CDH13: variants seen among roughly 807,000 people sequenced by gnomAD.
The protein encoded by CDH13 is cadherin 13.
CDH13 carries 24 observed loss-of-function variants against 63.8 expected under a neutral mutation model. The observed-to-expected ratio is 0.38, with a 90% CI of 0.27 to 0.53. The LOEUF (loss-of-function observed/expected upper bound fraction) is 0.53. Among genes scored for constraint, CDH13 ranks in the 20% least tolerant of loss-of-function variants. CDH13 has a pLI of 0.85. For missense variants in CDH13, 1,049 were observed against 903.1 expected, an observed-to-expected ratio of 1.16 and a Z score of -2.07; for synonymous variants, 503 against 355.3, an observed-to-expected ratio of 1.42 and a Z score of -4.67.
At chr16:83,201,913 T>G (rs2039044397) in intron 4 of CDH13, among the ~76,000 whole-genome samples, 1 of 152,006 alleles carries the variant, frequency 6.6e-6, no homozygotes, top group East Asian at 1.9e-4. Context: ...AGACTCTGTC[T>G]CAAAAATAAA....
At chr16:83,395,005 G>A (rs948265704) in intron 6 of CDH13, among the ~76,000 whole-genome samples, 1 of 152,076 alleles carries the variant, frequency 6.6e-6, no homozygotes, top group Non-Finnish European at 1.5e-5. Context: ...AAAATTTGCT[G>A]GGCATGGTGG....
At position 83,629,353 on chromosome 16, in the gene CDH13, A is replaced by G. The variant is rs145053366; in HGVS notation, c.1101+26759A>G. Among the ~76,000 whole-genome samples, 734 of 152,322 alleles carry G rather than the reference A, an allele frequency of 4.8e-3. 6 individuals are homozygous for G. Among genetic ancestry groups the G allele is most frequent in the African/African-American group, 0.017 (711 of 41,572 alleles). ...TTCATATCTAGCCAAGAAAAATTAC[A>G]TTTTCCCATTTACATTCCAAAGTCT... is the stretch of plus-strand genomic sequence containing the variant. On this transcript the variant is annotated intron_variant, in intron 8 of 13. Coordinates refer to ENST00000567109, the MANE Select transcript of CDH13 (RefSeq NM_001257.5).
At chr16:82,904,946 C>T (rs2041593834) in intron 2 of CDH13, among the ~76,000 whole-genome samples, 1 of 152,156 alleles carries the variant, frequency 6.6e-6, no homozygotes, top group Non-Finnish European at 1.5e-5. Flanking sequence ...CCTAAATGAA[C>T]CCAGGTTTCT....
intron 6 of CDH13, among the ~76,000 whole-genome samples, chr16:83,374,582 T>C (rs2091428245): frequency 6.6e-6 from 1 of 152,222 alleles, no homozygotes; most frequent in Admixed American, 6.5e-5. Flanking sequence ...ACATCTGAGT[T>C]GGAACTCGTA....
intron 6 of CDH13, among the ~76,000 whole-genome samples, chr16:83,483,894 A>C (rs192472458): frequency 2.0e-5 from 3 of 152,182 alleles, no homozygotes; most frequent in African/African-American, 7.2e-5. Flanking sequence ...TAGCATGTCA[A>C]TGGGAGACAG....
intron 5 of CDH13, among the ~76,000 whole-genome samples, chr16:83,264,894 C>T (rs1907424752): frequency 3.9e-5 from 6 of 152,094 alleles, no homozygotes; most frequent in Admixed American, 3.3e-4. Context: ...TTTATTATCC[C>T]TTTATATTCT....
chr16:83,068,336 T>C (rs965249506), intron 3 of CDH13, among the ~76,000 whole-genome samples: 3 of 152,196 alleles, frequency 2.0e-5, no homozygotes, highest in Non-Finnish European at 4.4e-5. Flanking sequence ...CTGAGGCTTA[T>C]GGAGGAAAAC....
intron 7 of CDH13, among the ~76,000 whole-genome samples, chr16:83,540,125 AT>A (rs2075272638): frequency 1.4e-5 from 2 of 146,546 alleles, no homozygotes; most frequent in Admixed American, 6.9e-5. Flanking sequence ...AGTTCAGTGG[AT>A]CCATCTAGGC....
At chr16:83,753,079 G>A (rs561489494) in intron 11 of CDH13, among the ~76,000 whole-genome samples, 4 of 152,256 alleles carry the variant, frequency 2.6e-5, no homozygotes, top group African/African-American at 9.6e-5. Flanking sequence ...CAAAACCATC[G>A]TTAGGAATAA....
intron 1 of CDH13, among the ~76,000 whole-genome samples, chr16:82,789,160 G>A (rs2036166147): frequency 6.6e-6 from 1 of 152,068 alleles, no homozygotes; most frequent in African/African-American, 2.4e-5. Context: ...TACCCTTAAG[G>A]TGCCCTGGAG....
At chr16:82,849,150 G>A (rs894771643) in intron 1 of CDH13, among the ~76,000 whole-genome samples, 3 of 152,188 alleles carry the variant, frequency 2.0e-5, no homozygotes, top group African/African-American at 7.2e-5. Context: ...AGAAAAGTTG[G>A]AAGCTAGCAG....
intron 3 of CDH13, among the ~76,000 whole-genome samples, chr16:83,115,565 A>T (rs1038726287): frequency 6.6e-6 from 1 of 152,230 alleles, no homozygotes; most frequent in Non-Finnish European, 1.5e-5. Context: ...AAGGCTCGCT[A>T]TTGCCTTGGA....
rs1225436872 is a variant in CDH13, at chr16:83,235,773, A to G, written c.636+18276A>G. ...TTTCAACTATACGGCACACTTAAGC[A>G]CGTTATATTTTAAGTGTTAATACAT... On this transcript the variant is annotated intron_variant, in intron 5 of 13. Coordinates refer to ENST00000567109, the MANE Select transcript of CDH13 (RefSeq NM_001257.5). Among the ~76,000 whole-genome samples, 3 of 152,168 alleles carry G rather than the reference A, an allele frequency of 2.0e-5. No homozygotes were observed. In the South Asian group the frequency reaches 6.2e-4, roughly 31 times the overall value.
chr16:83,267,838 G>A (rs2088671332), intron 5 of CDH13, among the ~76,000 whole-genome samples: 1 of 152,110 alleles, frequency 6.6e-6, no homozygotes. Context: ...GCATAAAATG[G>A]ACTAAGACAT....
intron 2 of CDH13, among the ~76,000 whole-genome samples, chr16:83,011,706 T>C (rs1324426241): frequency 6.6e-6 from 1 of 152,186 alleles, no homozygotes; most frequent in Non-Finnish European, 1.5e-5. Context: ...GCCCTTTCCT[T>C]TCTTCCCTTC....
chr16:83,636,037 C>T (rs1454402908), intron 8 of CDH13, among the ~76,000 whole-genome samples: 1 of 151,932 alleles, frequency 6.6e-6, no homozygotes, highest in Non-Finnish European at 1.5e-5. Context: ...CACACAGTTG[C>T]TCCAGTAGCC....
chr16:83,748,227 C>T lies in CDH13; in HGVS notation c.1658C>T (p.Ala553Val). ...SPFVDNSVYT[A>V]LFLAIDSGNP... ...TTTGTCGACAACAGCGTGTACACTG[C>T]TCTCTTCCTGGCAATTGACAGTGGT... is the stretch of plus-strand genomic sequence containing the variant. Residue 553 changes from alanine (A) to valine (V), a missense_variant, in exon 11 of 14, where the codon GCT (alanine) becomes GTT (valine). Ala to Val is a moderately conservative substitution (Grantham distance 64). Transcript: ENST00000567109. 1 of 1,611,598 alleles carries T rather than the reference C, an allele frequency of 6.2e-7. No homozygotes were observed. Among genetic ancestry groups the T allele is most frequent in the Non-Finnish European group, 8.5e-7 (1 of 1,178,024 alleles).
chr16:83,693,157 A>G (rs1355003620), intron 10 of CDH13, among the ~76,000 whole-genome samples: 1 of 152,212 alleles, frequency 6.6e-6, no homozygotes, highest in Non-Finnish European at 1.5e-5. Context: ...TCCTGAGCAC[A>G]AATCCCCACT....
chr16:82,672,822 A>G (rs1913423789), intron 1 of CDH13, among the ~76,000 whole-genome samples: 1 of 150,548 alleles, frequency 6.6e-6, no homozygotes. Context: ...CACACAAAAT[A>G]TATATATTTG....
Sources: allele counts gnomAD v4.1 joint callset (sites outside exome capture counted in the v4.1 genomes callset), GRCh38; gene constraint gnomAD v4.1.1; transcripts MANE v1.5; gene names NCBI Gene and HGNC (gene_info 2026-07-23, HGNC 2026-07-21).